NARS2: variants seen among roughly 807,000 people sequenced by gnomAD.
NARS2 encodes the protein asparaginyl-tRNA synthetase 2, mitochondrial, also known as asparaginyl-tRNA synthetase.
In NARS2, 60 loss-of-function variants were observed where a neutral mutation model predicts 62.9. That is an observed-to-expected ratio of 0.95 (90% confidence interval 0.77 to 1.18). NARS2 has a LOEUF of 1.18. Among genes scored for constraint, NARS2 ranks in the 50% most tolerant of loss-of-function variants. The pLI, the probability that NARS2 is intolerant of heterozygous loss-of-function variation, is 0.00. For synonymous variants in NARS2, 196 were observed against 200.0 expected, an observed-to-expected ratio of 0.98 and a Z score of 0.17; for missense variants, 619 against 576.4, an observed-to-expected ratio of 1.07 and a Z score of -0.76.
At chr11:78,483,495 G>T (rs140623233) in intron 7 of NARS2, among the ~76,000 whole-genome samples, 3 of 152,082 alleles carry the variant, frequency 2.0e-5, no homozygotes, top group African/African-American at 7.2e-5. Flanking sequence ...AAACCACATC[G>T]TCTCAGCCCA....
At chr11:78,556,574 CT>C (rs1449696668) in intron 5 of NARS2, among the ~76,000 whole-genome samples, 2 of 152,166 alleles carry the variant, frequency 1.3e-5, no homozygotes, top group African/African-American at 4.8e-5. Context: ...AGATCAATTG[CT>C]TTTTGATTTT....
intron 6 of NARS2, among the ~76,000 whole-genome samples, chr11:78,518,476 T>C (rs1860993296): frequency 6.6e-6 from 1 of 152,140 alleles, no homozygotes; most frequent in Non-Finnish European, 1.5e-5. Flanking sequence ...GAGAATTACA[T>C]ATGAAAAAGA....
chr11:78,516,402 TC>T (rs1459661779), intron 6 of NARS2, among the ~76,000 whole-genome samples: 1 of 152,230 alleles, frequency 6.6e-6, no homozygotes, highest in Non-Finnish European at 1.5e-5. Flanking sequence ...AAAATGCACT[TC>T]CGTGTAATCA....
chr11:78,532,063 T>C (rs1256354895), intron 5 of NARS2, among the ~76,000 whole-genome samples: 3 of 152,216 alleles, frequency 2.0e-5, no homozygotes, highest in Non-Finnish European at 2.9e-5. Flanking sequence ...AATTATTGAA[T>C]CTTAGTAGCT....
In NARS2 at chr11:78,462,423, G is replaced by A. The variant is rs1029150002; in HGVS notation, c.1164+3453C>T. The stretch of plus-strand genomic sequence containing the variant: ...ATTATGTTGCTCACTAGTTTTGGAT[G>A]ATTTTGTGTGAAAGGTGAGGATGAG... On this transcript the variant is annotated intron_variant, in intron 11 of 13. Transcript: ENST00000281038. Among the ~76,000 whole-genome samples the A allele has an allele frequency of 2.6e-5, 4 of 152,172 alleles. No individual in the cohort carries two copies. The East Asian group carries it at 7.7e-4, about 29-fold the overall frequency.
intron 9 of NARS2, among the ~76,000 whole-genome samples, chr11:78,471,250 C>T (rs1475059433): frequency 2.0e-5 from 3 of 152,100 alleles, no homozygotes; most frequent in Admixed American, 6.5e-5. Flanking sequence ...CCAAAGGTTA[C>T]TCATGTAAGT....
Position 78,566,223 on chromosome 11 carries a change from T to C in NARS2, c.422A>G (p.Gln141Arg), listed in dbSNP as rs552640439. The C allele has an allele frequency of 6.2e-7, 1 of 1,612,380 alleles. No homozygotes were observed. Among genetic ancestry groups the C allele is most frequent in the South Asian group, 1.1e-5 (1 of 90,870 alleles). Reference sequence around the variant, plus strand: ...AGTCCTACACCTAAAGTGAGGATATTGTCGCAGATACTCCAGAGGATGCCT... The same window carrying C: ...AGTCCTACACCTAAAGTGAGGATATCGTCGCAGATACTCCAGAGGATGCCT... The part of the protein sequence containing the change: ...KERHPLEYLR[Q>R]YPHFRCRTNV... Residue 141 changes from glutamine to arginine, a missense_variant, in exon 4 of 14, where the codon CAA becomes CGA. Coordinates refer to ENST00000281038, the MANE Select transcript of NARS2 (RefSeq NM_024678.6).
chr11:78,485,716 T>C (rs1859544362), intron 7 of NARS2, among the ~76,000 whole-genome samples: 1 of 152,126 alleles, frequency 6.6e-6, no homozygotes, highest in African/African-American at 2.4e-5. Flanking sequence ...CTCTCTTCTG[T>C]TCCTAGCCAA....
intron 11 of NARS2, among the ~76,000 whole-genome samples, chr11:78,450,365 C>T (rs542297533): frequency 6.6e-6 from 1 of 152,312 alleles, no homozygotes; most frequent in East Asian, 1.9e-4. Context: ...CATCTGGATA[C>T]AGTCCCACAC....
intron 10 of NARS2, among the ~76,000 whole-genome samples, chr11:78,468,353 A>C: frequency 6.8e-6 from 1 of 148,144 alleles, no homozygotes; most frequent in African/African-American, 2.5e-5. Flanking sequence ...AGAAAAACAC[A>C]CCTGTTTAGT....
intron 7 of NARS2, among the ~76,000 whole-genome samples, chr11:78,481,922 G>A (rs7934678): frequency 0.31 from 46,355 of 151,848 alleles, 8,544 homozygotes; most frequent in African/African-American, 0.5. Context: ...ATTCAAGAAC[G>A]GTATATACCC....
chr11:78,481,856 C>T (rs1408667470), intron 7 of NARS2, among the ~76,000 whole-genome samples: 2 of 152,110 alleles, frequency 1.3e-5, no homozygotes, highest in Non-Finnish European at 2.9e-5. Flanking sequence ...CTTTTGGGGA[C>T]AGCACACTTT....
chr11:78,509,739 A>C (rs1355077253), intron 6 of NARS2, among the ~76,000 whole-genome samples: 2 of 151,320 alleles, frequency 1.3e-5, no homozygotes, highest in African/African-American at 4.9e-5. Flanking sequence ...GCAGTCAAGA[A>C]TCCCTTGAAC....
At chr11:78,533,861 T>A (rs893240271) in intron 5 of NARS2, among the ~76,000 whole-genome samples, 5 of 152,222 alleles carry the variant, frequency 3.3e-5, no homozygotes, top group African/African-American at 1.2e-4. Flanking sequence ...CTCCATAGTT[T>A]TGTCTTTTCC....
At chr11:78,531,436 GAA>G (rs1861476311) in intron 5 of NARS2, among the ~76,000 whole-genome samples, 1 of 152,108 alleles carries the variant, frequency 6.6e-6, no homozygotes, top group African/African-American at 2.4e-5. Context: ...GGTTACTAGG[GAA>G]AAAAGTTTGG....
At chr11:78,472,473 G>GT (rs1410239951) in intron 9 of NARS2, among the ~76,000 whole-genome samples, 5 of 152,112 alleles carry the variant, frequency 3.3e-5, no homozygotes, top group African/African-American at 1.2e-4. Context: ...AATAAAAAAG[G>GT]TAAGTACTCT....
intron 3 of NARS2, among the ~76,000 whole-genome samples, chr11:78,566,992 CT>C (rs1380477339): frequency 6.6e-6 from 1 of 152,180 alleles, no homozygotes; most frequent in Non-Finnish European, 1.5e-5. Flanking sequence ...CAAATACAAA[CT>C]TTTATGTCGT....
intron 6 of NARS2, among the ~76,000 whole-genome samples, chr11:78,528,459 A>G (rs1861371602): frequency 6.6e-6 from 1 of 152,154 alleles, no homozygotes; most frequent in Admixed American, 6.5e-5. Flanking sequence ...ATTTAAACCA[A>G]TTACTGAAAA....
chr11:78,544,034 A>AAAC (rs1555037810), intron 5 of NARS2, among the ~76,000 whole-genome samples: 2 of 151,048 alleles, frequency 1.3e-5, no homozygotes, highest in African/African-American at 4.9e-5. Context: ...AAAAAAAAAA[A>AAAC]AAAAAACTCT....
Sources: gnomAD v4.1 joint callset for allele counts (sites outside exome capture counted in the v4.1 genomes callset) on GRCh38, gnomAD v4.1.1 for gene constraint, MANE v1.5 for transcripts, NCBI Gene and HGNC (gene_info 2026-07-23, HGNC 2026-07-21) for gene names.